Variants in SPPL3 observed in about 807,000 individuals in gnomAD.
SPPL3 encodes signal peptide peptidase like 3, also known as signal peptide peptidase-like 3.
A neutral mutation model predicts 42.4 loss-of-function variants in SPPL3; 5 were observed. The ratio of observed to expected loss-of-function variants is 0.12; its 90% confidence interval spans 0.06 to 0.25. SPPL3 has a LOEUF of 0.25. Among genes scored for constraint, SPPL3 ranks in the 10% least tolerant of loss-of-function variants. The pLI is 1.00. For synonymous variants in SPPL3, 195 were observed against 181.8 expected, an observed-to-expected ratio of 1.07 and a Z score of -0.58; for missense variants, 235 against 489.0, an observed-to-expected ratio of 0.48 and a Z score of 4.90.
chr12:120,789,471 G>GC (rs894381142), intron 3 of SPPL3, among the ~76,000 whole-genome samples: 4 of 76,106 alleles, frequency 5.3e-5, no homozygotes, highest in African/African-American at 1.8e-4. Flanking sequence ...AAGAAAAAAA[G>GC]CATTTAAAAA....
intron 1 of SPPL3, among the ~76,000 whole-genome samples, chr12:120,820,099 C>T (rs1445524017): frequency 6.6e-6 from 1 of 152,168 alleles, no homozygotes; most frequent in African/African-American, 2.4e-5. Flanking sequence ...TACCCATAAG[C>T]TCTGGCTATG....
At chr12:120,835,907 G>A (rs1051549476) in intron 1 of SPPL3, among the ~76,000 whole-genome samples, 1 of 152,078 alleles carries the variant, frequency 6.6e-6, no homozygotes, top group Non-Finnish European at 1.5e-5. Context: ...CTTAAATTCT[G>A]GCAACTTCCC....
chr12:120,845,097 G>C, intron 1 of SPPL3: 1 of 378,640 alleles, frequency 2.6e-6, no homozygotes, highest in Non-Finnish European at 5.2e-6. Flanking sequence ...GTGAGAGGGA[G>C]GGGTGTCGCA....
At chr12:120,780,871 T>C (rs1869510136) in intron 6 of SPPL3, among the ~76,000 whole-genome samples, 1 of 151,188 alleles carries the variant, frequency 6.6e-6, no homozygotes, top group South Asian at 2.1e-4. Context: ...GATCACACCA[T>C]TGCACTCCAG....
chr12:120,898,520 A>G (rs561914433), intron 1 of SPPL3, among the ~76,000 whole-genome samples: 1 of 152,110 alleles, frequency 6.6e-6, no homozygotes, highest in South Asian at 2.1e-4. Context: ...GTTTTATTCT[A>G]AGTGTGGCCA....
intron 1 of SPPL3, among the ~76,000 whole-genome samples, chr12:120,836,871 G>A (rs11065288): frequency 1.3e-5 from 2 of 152,150 alleles, no homozygotes; most frequent in Non-Finnish European, 2.9e-5. Context: ...GTAACCAGGG[G>A]TATCTGAATA....
At chr12:120,863,856 T>C (rs1272816349) in intron 1 of SPPL3, among the ~76,000 whole-genome samples, 2 of 151,688 alleles carry the variant, frequency 1.3e-5, no homozygotes, top group East Asian at 3.9e-4. Flanking sequence ...TTTCTTTTTT[T>C]CTTGCAGAGA....
intron 1 of SPPL3, among the ~76,000 whole-genome samples, chr12:120,826,085 G>A (rs1222039429): frequency 1.4e-5 from 2 of 146,384 alleles, no homozygotes; most frequent in African/African-American, 2.5e-5. Context: ...CCTGAGGTTG[G>A]GAGTTCGAGA....
intron 1 of SPPL3, among the ~76,000 whole-genome samples, chr12:120,901,629 C>T (rs138158174): frequency 6.6e-6 from 1 of 150,710 alleles, no homozygotes; most frequent in African/African-American, 2.4e-5. Flanking sequence ...GCCCACTTTC[C>T]CCAGTCTCCC....
Position 120,778,111 on chromosome 12 carries a change from A to ATTTTTTTTTTTTT in SPPL3, c.502+4531_502+4543dup, listed in dbSNP as rs57779322. Among the ~76,000 whole-genome samples, 27 of 90,944 alleles carry ATTTTTTTTTTTTT rather than the reference A, an allele frequency of 3.0e-4. 1 individual carries two copies. Among genetic ancestry groups the ATTTTTTTTTTTTT allele is most frequent in the Non-Finnish European group, 4.6e-4 (23 of 50,332 alleles). 59.7% of individuals were successfully genotyped at this position (90,944 alleles called of 152,430 possible). On this transcript the variant is annotated intron_variant, in intron 6 of 10. Transcript: ENST00000353487. ...TTATTTCCAAAATGACTGAAAAGCA[A>ATTTTTTTTTTTTT]TTTTTTTTTTTTTTTTTTTTTTTGA...
chr12:120,851,249 T>C (rs937068859), intron 1 of SPPL3, among the ~76,000 whole-genome samples: 1 of 152,218 alleles, frequency 6.6e-6, no homozygotes, highest in Non-Finnish European at 1.5e-5. Flanking sequence ...CTAGAGACCA[T>C]GTAGCAGCAG....
chr12:120,822,671 C>CT (rs1281539113), intron 1 of SPPL3, among the ~76,000 whole-genome samples: 2 of 152,092 alleles, frequency 1.3e-5, no homozygotes, highest in East Asian at 3.9e-4. Flanking sequence ...AGGAAAGTCT[C>CT]TTGAGCCCCA....
At chr12:120,794,165 G>A (rs1046632751) in intron 2 of SPPL3, among the ~76,000 whole-genome samples, 1 of 152,112 alleles carries the variant, frequency 6.6e-6, no homozygotes, top group African/African-American at 2.4e-5. Flanking sequence ...GTCTGTGGTA[G>A]TATTCTTTAC....
chr12:120,882,452 T>C (rs948289396), intron 1 of SPPL3, among the ~76,000 whole-genome samples: 1 of 152,132 alleles, frequency 6.6e-6, no homozygotes, highest in Non-Finnish European at 1.5e-5. Flanking sequence ...ACAGGGGTAC[T>C]GCATAGGACT....
At chr12:120,841,016 C>T (rs1280956627) in intron 1 of SPPL3, among the ~76,000 whole-genome samples, 1 of 151,544 alleles carries the variant, frequency 6.6e-6, no homozygotes, top group Non-Finnish European at 1.5e-5. Flanking sequence ...TTTTACGGTC[C>T]GTGAAAAACT....
At chr12:120,823,484 T>C (rs981727089) in intron 1 of SPPL3, among the ~76,000 whole-genome samples, 11 of 152,084 alleles carry the variant, frequency 7.2e-5, no homozygotes, top group Non-Finnish European at 1.6e-4. Flanking sequence ...CTGACAACAG[T>C]AGCCACTTCC....
At chr12:120,879,035 C>A (rs1873197971) in intron 1 of SPPL3, among the ~76,000 whole-genome samples, 1 of 142,962 alleles carries the variant, frequency 7.0e-6, no homozygotes, top group Non-Finnish European at 1.5e-5. Flanking sequence ...ATCACTTGAA[C>A]CTGGGAGGCG....
At chr12:120,798,649 A>G (rs1229602146) in intron 2 of SPPL3, among the ~76,000 whole-genome samples, 1 of 152,246 alleles carries the variant, frequency 6.6e-6, no homozygotes, top group African/African-American at 2.4e-5. Flanking sequence ...TTTTGGAAAC[A>G]CATATATTAA....
At chr12:120,871,660 G>C (rs1189115971) in intron 1 of SPPL3, among the ~76,000 whole-genome samples, 1 of 152,108 alleles carries the variant, frequency 6.6e-6, no homozygotes, top group Non-Finnish European at 1.5e-5. Flanking sequence ...GGCTAAGGCA[G>C]GAGAATCACT....
Sources: allele counts gnomAD v4.1 joint callset (sites outside exome capture counted in the v4.1 genomes callset), GRCh38; gene constraint gnomAD v4.1.1; transcripts MANE v1.5; gene names NCBI Gene and HGNC (gene_info 2026-07-23, HGNC 2026-07-21).